The following FAM135B variants were observed in gnomAD, a reference collection of about 807,000 sequenced individuals.
The protein encoded by FAM135B is protein FAM135B.
FAM135B carries 43 observed loss-of-function variants against 127.7 expected under a neutral mutation model. The observed-to-expected ratio is 0.34, with a 90% CI of 0.26 to 0.43. The LOEUF is 0.43. Ranked by LOEUF, FAM135B falls within the 20% of genes least tolerant of loss-of-function variation. The pLI is 1.00. For missense variants in FAM135B, 1,558 were observed against 1,725.6 expected (o/e 0.90, Z 1.72); for synonymous variants, 670 against 665.1 (o/e 1.01, Z -0.11).
intron 1 of FAM135B, among the ~76,000 whole-genome samples, chr8:138,385,844 A>G (rs1832170124): frequency 6.6e-6 from 1 of 152,174 alleles, no homozygotes; most frequent in Non-Finnish European, 1.5e-5. Flanking sequence ...CAAAAGGCAC[A>G]AAGGACACAT....
At chr8:138,255,812 T>G (rs1822039891) in intron 5 of FAM135B, among the ~76,000 whole-genome samples, 1 of 152,044 alleles carries the variant, frequency 6.6e-6, no homozygotes, top group African/African-American at 2.4e-5. Flanking sequence ...CAGTTCAGGG[T>G]TTACCATATG....
rs535818022 is a variant in FAM135B, at chr8:138,243,190, A to AC, written c.543-123dup. The AC allele has an allele frequency of 2.0e-5, 23 of 1,169,300 alleles. No homozygotes were observed. The highest frequency in any genetic ancestry group is 5.1e-5 in the South Asian group (3 of 59,286). 72.4% of individuals were successfully genotyped at this position (1,169,300 alleles called of 1,614,324 possible). A position where few individuals can be genotyped will look rare whatever the true frequency, so the allele number is the denominator to read the frequency against. On this transcript the variant is annotated intron_variant, in intron 6 of 19. Transcript: ENST00000395297. The surrounding 1 kb of genome is among the most constrained non-coding windows in gnomAD (Gnocchi z 7.5). ...GGGATAAGTCATTTAGGAGTAGTTC[A>AC]CCCCCTAGGGAGTGTTTGCATGTGA...
chr8:138,426,283 T>C (rs4909793), intron 1 of FAM135B, among the ~76,000 whole-genome samples: 106,382 of 150,634 alleles, frequency 0.71, 38,662 homozygotes, highest in African/African-American at 0.88. Context: ...GCACTTCATA[T>C]TGACCAGAAT....
chr8:138,394,952 G>A (rs1832775684), intron 1 of FAM135B, among the ~76,000 whole-genome samples: 1 of 152,144 alleles, frequency 6.6e-6, no homozygotes, highest in Non-Finnish European at 1.5e-5. Flanking sequence ...AGCCATCAGA[G>A]GCAAATCATT....
At chr8:138,383,420 G>A (rs1193594551) in intron 1 of FAM135B, among the ~76,000 whole-genome samples, 2 of 152,192 alleles carry the variant, frequency 1.3e-5, no homozygotes, top group Non-Finnish European at 2.9e-5. Context: ...TGGCACAAAG[G>A]GAATAGATGC....
At chr8:138,385,860 G>A (rs900695827) in intron 1 of FAM135B, among the ~76,000 whole-genome samples, 1 of 152,108 alleles carries the variant, frequency 6.6e-6, no homozygotes, top group Admixed American at 6.6e-5. Flanking sequence ...CACATAGAAG[G>A]AAACGGGCCA....
At chr8:138,364,922 A>G (rs899256184) in intron 2 of FAM135B, among the ~76,000 whole-genome samples, 1 of 152,136 alleles carries the variant, frequency 6.6e-6, no homozygotes, top group East Asian at 1.9e-4. Flanking sequence ...ATCTCAGCTC[A>G]CTACAACCTC....
At chr8:138,326,968 T>A (rs1827830706) in intron 2 of FAM135B, among the ~76,000 whole-genome samples, 1 of 152,152 alleles carries the variant, frequency 6.6e-6, no homozygotes, top group Non-Finnish European at 1.5e-5. Context: ...GGGGAAGAAG[T>A]CTTCCAAAGA....
chr8:138,333,043 C>T (rs1828303575), intron 2 of FAM135B, among the ~76,000 whole-genome samples: 1 of 151,912 alleles, frequency 6.6e-6, no homozygotes, highest in Non-Finnish European at 1.5e-5. Flanking sequence ...TCCAACCAAC[C>T]TTAAAATATT....
chr8:138,209,794 G>C (rs528497837), intron 7 of FAM135B, among the ~76,000 whole-genome samples: 4 of 152,240 alleles, frequency 2.6e-5, no homozygotes, highest in African/African-American at 7.2e-5. Flanking sequence ...AATGGGCCCA[G>C]AGAGGTTAAG....
At chr8:138,416,777 C>G (rs73717260) in intron 1 of FAM135B, among the ~76,000 whole-genome samples, 19 of 152,036 alleles carry the variant, frequency 1.2e-4, no homozygotes, top group African/African-American at 4.6e-4. Flanking sequence ...CCAAACAGAT[C>G]TCCAGAAAGA....
At chr8:138,232,665 T>C (rs1220302489) in intron 7 of FAM135B, among the ~76,000 whole-genome samples, 4 of 152,212 alleles carry the variant, frequency 2.6e-5, no homozygotes, top group Non-Finnish European at 5.9e-5. Context: ...GTGCTTGACA[T>C]CTTAATTCTT....
intron 1 of FAM135B, among the ~76,000 whole-genome samples, chr8:138,382,783 A>G (rs1008419800): frequency 1.3e-5 from 2 of 152,104 alleles, no homozygotes; most frequent in East Asian, 1.9e-4. Flanking sequence ...AAAAACAATA[A>G]CGCTTTCATG....
chr8:138,267,948 T>A (rs970879477), intron 3 of FAM135B, among the ~76,000 whole-genome samples: 2 of 152,212 alleles, frequency 1.3e-5, no homozygotes, highest in Admixed American at 6.5e-5. Flanking sequence ...TCTTTCTCTA[T>A]CACTGTCTAG....
intron 1 of FAM135B, among the ~76,000 whole-genome samples, chr8:138,444,351 C>A (rs924209820): frequency 9.2e-5 from 14 of 152,134 alleles, no homozygotes; most frequent in Admixed American, 2.0e-4. Flanking sequence ...AATATACATT[C>A]TTCTCAGCAC....
chr8:138,323,105 G>T (rs899331356), intron 2 of FAM135B, among the ~76,000 whole-genome samples: 10 of 152,274 alleles, frequency 6.6e-5, no homozygotes, highest in African/African-American at 2.4e-4. Flanking sequence ...CAATATTTCA[G>T]CAGAACTTGT....
At chr8:138,349,337 A>G (rs1829631992) in intron 2 of FAM135B, among the ~76,000 whole-genome samples, 1 of 152,236 alleles carries the variant, frequency 6.6e-6, no homozygotes, top group African/African-American at 2.4e-5. Flanking sequence ...GACTTGGAAC[A>G]GGATCCTGCA....
chr8:138,197,296 T>A (rs1028962455), intron 8 of FAM135B, among the ~76,000 whole-genome samples: 5 of 152,160 alleles, frequency 3.3e-5, no homozygotes, highest in Admixed American at 2.0e-4. Flanking sequence ...GATGAATGCA[T>A]GAGTGAATGA....
intron 7 of FAM135B, among the ~76,000 whole-genome samples, chr8:138,232,724 T>C (rs964910797): frequency 2.0e-5 from 3 of 152,222 alleles, no homozygotes; most frequent in African/African-American, 7.2e-5. Context: ...AAAACTTTTT[T>C]CTTTAAATAA....
Sources: allele counts gnomAD v4.1 joint callset (sites outside exome capture counted in the v4.1 genomes callset), GRCh38; gene constraint gnomAD v4.1.1; non-coding constraint Gnocchi (gnomAD v3.1); transcripts MANE v1.5; gene names NCBI Gene and HGNC (gene_info 2026-07-23, HGNC 2026-07-21).